Variants in UTP6 observed in about 807,000 individuals in gnomAD.
UTP6 encodes the protein UTP6 small subunit processome component.
UTP6 carries 60 observed loss-of-function variants against 96.5 expected under a neutral mutation model. The observed-to-expected ratio is 0.62, with a 90% CI of 0.51 to 0.77. The LOEUF is 0.77. Among genes scored for constraint, UTP6 ranks in the 30% least tolerant of loss-of-function variants. The pLI, the probability that UTP6 is intolerant of heterozygous loss-of-function variation, is 0.00. For synonymous variants in UTP6, 215 were observed against 240.1 expected, an observed-to-expected ratio of 0.90 and a Z score of 0.96; for missense variants, 637 against 706.5, an observed-to-expected ratio of 0.90 and a Z score of 1.12.
chr17:31,875,207 T>G (rs1180154725), intron 14 of UTP6, 27 bp downstream of exon 14: 1 of 1,610,884 alleles, frequency 6.2e-7, no homozygotes, highest in South Asian at 1.1e-5. Context: ...CCAAATATAA[T>G]GAATACAAAA....
chr17:31,876,153 C>T (rs1158672924), intron 13 of UTP6, among the ~76,000 whole-genome samples: 3 of 151,876 alleles, frequency 2.0e-5, no homozygotes, highest in Non-Finnish European at 4.4e-5. Flanking sequence ...TCTCCTCCCT[C>T]AGCCTCCCGA....
intron 15 of UTP6, 58 bp downstream of exon 15, chr17:31,873,611 GACCA>G: frequency 1.2e-6 from 2 of 1,611,608 alleles, no homozygotes; most frequent in Non-Finnish European, 1.7e-6. Flanking sequence ...CACTAGAGCT[GACCA>G]ACCAGGGAAC....
chr17:31,865,121 C>A (rs1161993290), intron 18 of UTP6, among the ~76,000 whole-genome samples: 1 of 152,144 alleles, frequency 6.6e-6, no homozygotes, highest in Non-Finnish European at 1.5e-5. Flanking sequence ...CAGGCTCAAG[C>A]GATTCTCCTG....
chr17:31,878,957 C>T (rs575581256), intron 11 of UTP6, among the ~76,000 whole-genome samples, 176 bp from the exon 12 acceptor site: 55 of 152,332 alleles, frequency 3.6e-4, no homozygotes, highest in African/African-American at 1.3e-3. Context: ...ATGCTGACTA[C>T]AGCCAATCAA....
chr17:31,875,285 G>C lies in UTP6; in HGVS notation c.1254C>G (p.Ser418Arg). The C allele has an allele frequency of 6.2e-7, 1 of 1,614,132 alleles. No individual in the cohort carries two copies. Among genetic ancestry groups the C allele is most frequent in the Non-Finnish European group, 8.5e-7 (1 of 1,180,030 alleles). Reference protein sequence around the residue: ...LKLQVLIESKSPDIAMLFEEA... With the variant: ...LKLQVLIESKRPDIAMLFEEA... ...CTTCAAAAAGCATGGCTATGTCAGG[G>C]CTCTTTGACTCGATCAGCACCTGCA... The change falls in exon 14 of 19, where the codon AGC (serine) becomes AGG (arginine). Residue 418 changes from serine to arginine, a missense_variant. Coordinates refer to ENST00000261708, the MANE Select transcript of UTP6 (RefSeq NM_018428.3).
chr17:31,895,239 T>C (rs1031955715), intron 2 of UTP6, among the ~76,000 whole-genome samples: 2 of 152,238 alleles, frequency 1.3e-5, no homozygotes, highest in African/African-American at 4.8e-5. Flanking sequence ...TTAAAAATTA[T>C]TCCATGAAAT....
chr17:31,885,901 T>C, intron 9 of UTP6, 79 bp downstream of exon 9: 2 of 1,339,154 alleles, frequency 1.5e-6, no homozygotes, highest in Non-Finnish European at 2.1e-6. Context: ...AATGGAAAAT[T>C]TCAAAACTAG....
At chr17:31,889,494 A>AT in intron 6 of UTP6, 91 bp from the exon 7 acceptor site, 5 of 922,158 alleles carry the variant, frequency 5.4e-6, no homozygotes, top group Non-Finnish European at 7.9e-6. Context: ...ATACTCGCAC[A>AT]ATTTTTTTTT....
In UTP6 at chr17:31,880,667, C is replaced by G; in HGVS notation, c.873G>C (p.Gln291His). The G allele has an allele frequency of 6.2e-7, 1 of 1,614,178 alleles. No individual in the cohort carries two copies. Among genetic ancestry groups the G allele is most frequent in the East Asian group, 2.2e-5 (1 of 44,876 alleles). Reference protein sequence around the residue: ...ELEIESQTEEQPTTKQAKAVE... With the variant: ...ELEIESQTEEHPTTKQAKAVE... ...CTGCTTTGGCTTGTTTCGTTGTAGG[C>G]TGCTCTTCTGTCTGTGACTCAATCT... Residue 291 changes from glutamine (Q) to histidine (H), a missense_variant, in exon 11 of 19, where the codon CAG becomes CAC. Gln to His is a conservative substitution (Grantham distance 24). Coordinates refer to ENST00000261708, the MANE Select transcript of UTP6 (RefSeq NM_018428.3).
chr17:31,870,194 A>G (rs1426394416), intron 16 of UTP6, among the ~76,000 whole-genome samples: 1 of 152,060 alleles, frequency 6.6e-6, no homozygotes, highest in African/African-American at 2.4e-5. Flanking sequence ...ATATCTAGTA[A>G]TGGGATTGCT....
At chr17:31,891,272 C>A (rs1242857278) in intron 6 of UTP6, among the ~76,000 whole-genome samples, 1 of 152,124 alleles carries the variant, frequency 6.6e-6, no homozygotes, top group Non-Finnish European at 1.5e-5. Flanking sequence ...AGAAGCCATG[C>A]CCATCCATGG....
intron 6 of UTP6, among the ~76,000 whole-genome samples, chr17:31,890,896 A>G (rs1040437095): frequency 6.6e-6 from 1 of 151,788 alleles, no homozygotes; most frequent in African/African-American, 2.4e-5. Context: ...CTGAGGCATG[A>G]GAATCACTTG....
intron 17 of UTP6, 142 bp from the exon 18 acceptor site, chr17:31,865,580 T>C: frequency 2.6e-6 from 2 of 761,716 alleles, no homozygotes; most frequent in Non-Finnish European, 4.2e-6. Flanking sequence ...TCTCAACTTT[T>C]CTAGGAAAAA....
chr17:31,876,129 T>C (rs1010544603), intron 13 of UTP6, among the ~76,000 whole-genome samples: 2 of 151,660 alleles, frequency 1.3e-5, no homozygotes, highest in East Asian at 2.0e-4. Flanking sequence ...CTCCAACTCC[T>C]GGGTTCAAGC....
intron 13 of UTP6, 103 bp downstream of exon 13, chr17:31,878,147 G>T: frequency 1.8e-6 from 2 of 1,131,982 alleles, no homozygotes; most frequent in Non-Finnish European, 2.6e-6. Context: ...CTCCCAAGTG[G>T]CCTTCATCTT....
At chr17:31,896,883 G>T (rs959065155) in intron 2 of UTP6, among the ~76,000 whole-genome samples, 38 of 151,994 alleles carry the variant, frequency 2.5e-4, no homozygotes, top group Non-Finnish European at 4.3e-4. Flanking sequence ...CGATCTGCCT[G>T]TCTCACACGT....
rs763429393 is a variant in UTP6, at chr17:31,894,974, C to G, written c.215G>C (p.Arg72Thr). 1 of 1,561,962 alleles carries G rather than the reference C, an allele frequency of 6.4e-7. No individual in the cohort carries two copies. Among genetic ancestry groups the G allele is most frequent in the Non-Finnish European group, 8.7e-7 (1 of 1,145,014 alleles). The change falls in exon 3 of 19, where the codon AGA becomes ACA. Residue 72 changes from arginine to threonine, a missense_variant. By Grantham distance (71) the Arg-to-Thr change is moderately conservative. Coordinates refer to ENST00000261708, the MANE Select transcript of UTP6 (RefSeq NM_018428.3). The part of the protein sequence containing the change: ...INLLELIQRR[R>T]TRIGYSFKKD... ...TCTAGAAAATCTTCTACTTACTGTT[C>G]TTCTTCTCTGGATCAGCTCCAAAAG...
Position 31,873,492 on chromosome 17 carries a change from A to G in UTP6, c.1387-5T>C, listed in dbSNP as rs772204780. 2 of 1,608,116 alleles carry G rather than the reference A, an allele frequency of 1.2e-6. No individual in the cohort carries two copies. The highest frequency in any genetic ancestry group is 3.5e-5 in the Admixed American group (2 of 57,882). On this transcript the variant is annotated splice_region_variant and splice_polypyrimidine_tract_variant and intron_variant, in intron 15 of 18. Transcript: ENST00000261708. Reference sequence around the variant, plus strand: ...TATGACAGCTAAGAGAGCTTTCTACAATTTAAAAGAAAAAAGAAAGAAGCT... The same window carrying G: ...TATGACAGCTAAGAGAGCTTTCTACGATTTAAAAGAAAAAAGAAAGAAGCT...
Position 31,863,520 on chromosome 17 carries a change from T to TA in UTP6, c.1637-5_1637-4insT. The TA allele has an allele frequency of 1.9e-6, 3 of 1,591,012 alleles. No homozygotes were observed. The highest frequency in any genetic ancestry group is 1.9e-5 in the Admixed American group (1 of 53,716). On this transcript the variant is annotated splice_region_variant and splice_polypyrimidine_tract_variant and intron_variant, in intron 18 of 18. Coordinates refer to ENST00000261708, the MANE Select transcript of UTP6 (RefSeq NM_018428.3). ...TTCATATAATCCATCCAAAGATCTT[T>TA]TAAAAAAAAAACATACAATTAGATA...
Sources: gnomAD v4.1 joint callset for allele counts (sites outside exome capture counted in the v4.1 genomes callset) on GRCh38, gnomAD v4.1.1 for gene constraint, MANE v1.5 for transcripts, NCBI Gene and HGNC (gene_info 2026-07-23, HGNC 2026-07-21) for gene names.